UGT2B7: variants seen among roughly 807,000 people sequenced by gnomAD.
UGT2B7 encodes UDP glucuronosyltransferase family 2 member B7, also known as UDP-glucuronosyltransferase 2B7.
UGT2B7 carries 51 observed loss-of-function variants against 51.9 expected under a neutral mutation model. The ratio of observed to expected loss-of-function variants is 0.98; its 90% CI spans 0.78 to 1.24. The LOEUF is 1.24. UGT2B7 is among the 50% of genes most tolerant of loss of function. UGT2B7 has a pLI of 0.00. For missense variants in UGT2B7, 727 were observed against 628.4 expected, an observed-to-expected ratio of 1.16 and a Z score of -1.68; for synonymous variants, 225 against 211.6, an observed-to-expected ratio of 1.06 and a Z score of -0.55.
rs1052342746 is a variant in UGT2B7, at chr4:69,108,034, T to C, written c.1091-69T>C. The C allele has an allele frequency of 6.4e-6, 10 of 1,557,000 alleles. No individual in the cohort carries two copies. The African/African-American group carries it at 9.6e-5, about 15-fold the overall frequency. On this transcript the variant is annotated intron_variant, in intron 4 of 5. Coordinates refer to ENST00000305231, the MANE Select transcript of UGT2B7 (RefSeq NM_001074.4). ...TTTTAGCTGGAAAACACTGTCACTT[T>C]CAGAGCCTTTCATTGTGCATCTCAT... is the stretch of plus-strand genomic sequence containing the variant.
chr4:69,061,079 T>G (rs1042541453), intron 1 of UGT2B7, among the ~76,000 whole-genome samples: 1 of 152,048 alleles, frequency 6.6e-6, no homozygotes, highest in Non-Finnish European at 1.5e-5. Flanking sequence ...TATGCAGTGG[T>G]GACTTTGGAC....
chr4:69,098,297 G>A (rs1220302322), intron 1 of UGT2B7, among the ~76,000 whole-genome samples: 1 of 151,960 alleles, frequency 6.6e-6, no homozygotes, highest in African/African-American at 2.4e-5. Context: ...GCATACTGAT[G>A]CGACATTAGA....
intron 1 of UGT2B7, among the ~76,000 whole-genome samples, chr4:69,074,702 A>T (rs79705388): frequency 0.2 from 29,794 of 151,798 alleles, 3,106 homozygotes; most frequent in African/African-American, 0.25. Context: ...TTTTAACAAA[A>T]GTCACTGCAC....
chr4:69,070,465 A>G (rs1310299136), intron 1 of UGT2B7, among the ~76,000 whole-genome samples: 2 of 150,402 alleles, frequency 1.3e-5, no homozygotes, highest in Non-Finnish European at 3.0e-5. Context: ...ACAGAGCAAG[A>G]TCCTTGTTAA....
intron 1 of UGT2B7, among the ~76,000 whole-genome samples, chr4:69,085,008 T>G (rs1038209088): frequency 1.4e-4 from 22 of 152,128 alleles, no homozygotes; most frequent in African/African-American, 4.8e-4. Context: ...CTGGATCAAA[T>G]GGTATTTATA....
At chr4:69,109,777 A>T (rs1176195197) in intron 5 of UGT2B7, among the ~76,000 whole-genome samples, 1 of 152,062 alleles carries the variant, frequency 6.6e-6, no homozygotes, top group East Asian at 1.9e-4. Context: ...CAATGTGCAA[A>T]ATTCCTTGTG....
At chr4:69,062,983 C>G (rs1422386301) in intron 1 of UGT2B7, among the ~76,000 whole-genome samples, 1 of 152,118 alleles carries the variant, frequency 6.6e-6, no homozygotes, top group Non-Finnish European at 1.5e-5. Context: ...CATATCTATG[C>G]TAGAAGGAGG....
chr4:69,110,674 T>A (rs1719746251), intron 5 of UGT2B7, among the ~76,000 whole-genome samples: 1 of 152,056 alleles, frequency 6.6e-6, no homozygotes, highest in African/African-American at 2.4e-5. Context: ...ACAAGCAAAC[T>A]AATGTATGCT....
At chr4:69,080,663 A>G (rs1456045462) in intron 1 of UGT2B7, among the ~76,000 whole-genome samples, 4 of 152,052 alleles carry the variant, frequency 2.6e-5, no homozygotes, top group Non-Finnish European at 4.4e-5. Flanking sequence ...TATTCCTTTG[A>G]CTCGCTAAGC....
intron 1 of UGT2B7, among the ~76,000 whole-genome samples, chr4:69,056,174 C>G (rs1718190332): frequency 2.0e-5 from 3 of 152,200 alleles, no homozygotes; most frequent in Admixed American, 6.5e-5. Flanking sequence ...AAAAAGGAAG[C>G]ACAGCCATAG....
chr4:69,067,931 C>T (rs759441142), intron 1 of UGT2B7, among the ~76,000 whole-genome samples: 2 of 151,966 alleles, frequency 1.3e-5, no homozygotes, highest in African/African-American at 2.4e-5. Context: ...AAGCAGAAAA[C>T]CATAAATATT....
At chr4:69,063,987 T>C (rs938887853) in intron 1 of UGT2B7, among the ~76,000 whole-genome samples, 1 of 140,606 alleles carries the variant, frequency 7.1e-6, no homozygotes, top group Non-Finnish European at 1.5e-5. Context: ...TGAATTCCAT[T>C]TACAGGAGGC....
intron 1 of UGT2B7, among the ~76,000 whole-genome samples, chr4:69,053,525 A>T (rs552532807): frequency 1.3e-5 from 2 of 152,320 alleles, no homozygotes; most frequent in African/African-American, 4.8e-5. Context: ...GTGGTCCTCC[A>T]GTTGACCAGG....
chr4:69,094,895 T>C (rs1015466391), upstream of UGT2B7, among the ~76,000 whole-genome samples: 8 of 152,244 alleles, frequency 5.3e-5, no homozygotes, highest in Non-Finnish European at 4.4e-5. Context: ...CATTCAACAA[T>C]GTTCATAACA....
chr4:69,095,101 C>A (rs1003293598), upstream of UGT2B7, among the ~76,000 whole-genome samples: 2 of 152,110 alleles, frequency 1.3e-5, no homozygotes, highest in Non-Finnish European at 2.9e-5. Flanking sequence ...TGTTATAGGA[C>A]CAACAGTTTC....
At chr4:69,057,869 T>C (rs924717819) in intron 1 of UGT2B7, among the ~76,000 whole-genome samples, 5 of 151,728 alleles carry the variant, frequency 3.3e-5, no homozygotes, top group Non-Finnish European at 7.4e-5. Flanking sequence ...TAGCCCTCTT[T>C]TGGTGTTGGC....
chr4:69,112,583 A>C lies in UGT2B7; in HGVS notation c.1437A>C (p.Ala479=), dbSNP rs770382548. 67 of 1,613,902 alleles carry C rather than the reference A, an allele frequency of 4.2e-5. No individual in the cohort carries two copies. The highest frequency in any genetic ancestry group is 5.3e-5 in the Non-Finnish European group (63 of 1,179,896). The part of the protein sequence containing the change: ...RHKGAKHLRV[A]AHDLTWFQYH... Reference sequence around the variant, plus strand: ...AAGGAGCTAAACACCTTCGGGTTGCAGCCCACGACCTCACCTGGTTCCAGT... The same window carrying C: ...AAGGAGCTAAACACCTTCGGGTTGCCGCCCACGACCTCACCTGGTTCCAGT... The change falls in exon 6 of 6, where the codon GCA becomes GCC. Residue 479 remains alanine, a synonymous_variant. Transcript: ENST00000305231.
upstream of UGT2B7, among the ~76,000 whole-genome samples, chr4:69,093,162 G>T (rs1461319084): frequency 2.6e-5 from 4 of 152,152 alleles, no homozygotes; most frequent in South Asian, 6.2e-4. Context: ...AATGACTGGA[G>T]TCCCCTGTTG....
chr4:69,077,122 T>C (rs944966978), intron 1 of UGT2B7, among the ~76,000 whole-genome samples: 4 of 152,288 alleles, frequency 2.6e-5, no homozygotes, highest in African/African-American at 9.6e-5. Context: ...AGGTCTCTGT[T>C]CTGTTCCATT....
Sources: gnomAD v4.1 joint callset for allele counts (sites outside exome capture counted in the v4.1 genomes callset) on GRCh38, gnomAD v4.1.1 for gene constraint, MANE v1.5 for transcripts, NCBI Gene and HGNC (gene_info 2026-07-23, HGNC 2026-07-21) for gene names.